Variants in CYB5R4 observed in about 807,000 individuals in gnomAD.
CYB5R4 encodes the protein cytochrome b5 reductase 4.
In CYB5R4, 55 loss-of-function variants were observed where a neutral mutation model predicts 70.2. The ratio of observed to expected loss-of-function variants is 0.78; its 90% confidence interval spans 0.63 to 0.98. CYB5R4 has a LOEUF of 0.98. CYB5R4 is among the 50% of genes least tolerant of loss of function. The pLI, the probability that CYB5R4 is intolerant of heterozygous loss-of-function variation, is 0.00. For synonymous variants in CYB5R4, 197 were observed against 199.5 expected, an observed-to-expected ratio of 0.99 and a Z score of 0.11; for missense variants, 562 against 612.6, an observed-to-expected ratio of 0.92 and a Z score of 0.87.
At chr6:83,867,008 T>C (rs1448338053) in intron 2 of CYB5R4, among the ~76,000 whole-genome samples, 1 of 152,194 alleles carries the variant, frequency 6.6e-6, no homozygotes, top group East Asian at 1.9e-4. Flanking sequence ...AAGATGTGTC[T>C]TTTTTTAAAT....
Position 83,918,712 on chromosome 6 carries a change from A to T in CYB5R4, c.506+647A>T, listed in dbSNP as rs577934814. On this transcript the variant is annotated intron_variant, in intron 6 of 15. Transcript: ENST00000369681. ...TTAAGCAATACATATATATTTCGTT[A>T]ATGACACTTAAAATGCCTTCAGGTG... Among the ~76,000 whole-genome samples the T allele has an allele frequency of 2.0e-5, 3 of 152,158 alleles. No homozygotes were observed. In the South Asian group the frequency reaches 6.2e-4, roughly 32 times the overall value.
intron 2 of CYB5R4, among the ~76,000 whole-genome samples, chr6:83,878,574 C>G (rs1349481988): frequency 6.6e-6 from 1 of 152,132 alleles, no homozygotes; most frequent in East Asian, 1.9e-4. Context: ...TCTCGATCTC[C>G]TGACCTTGTG....
rs761034622 is a variant in CYB5R4, at chr6:83,914,438, A to T, written c.435A>T (p.Lys145Asn). 1.3e-6 allele frequency: 2 copies of T among 1,528,010 alleles called. No homozygotes were observed. The highest frequency in any genetic ancestry group is 1.8e-6 in the Non-Finnish European group (2 of 1,121,840). 94.7% of individuals were successfully genotyped at this position (1,528,010 alleles called of 1,614,324 possible). A position where few individuals can be genotyped will look rare whatever the true frequency, so the allele number is the denominator to read the frequency against. Residue 145 changes from lysine (K) to asparagine (N), a missense_variant, in exon 5 of 16, where the codon AAA becomes AAT. Lys to Asn is a moderately conservative substitution (Grantham distance 94, BLOSUM62 0). Coordinates refer to ENST00000369681, the MANE Select transcript of CYB5R4 (RefSeq NM_016230.4). ...VLKDYREEEKKVLNGMLPKSQ... is the reference protein window; with the variant it reads ...VLKDYREEEKNVLNGMLPKSQ... ...CAGACTATCGTGAGGAGGAAAAGAA[A>T]GTCTTAAATGGTAAGTCTATAAATT... is the stretch of plus-strand genomic sequence containing the variant.
chr6:83,940,024 T>G, intron 12 of CYB5R4, 32 bp from the exon 13 acceptor site: 1 of 1,475,238 alleles, frequency 6.8e-7, no homozygotes, highest in South Asian at 1.3e-5. Flanking sequence ...TGTTTTTTTT[T>G]TTTCTGATTT....
chr6:83,925,635 T>G (rs943305803), intron 10 of CYB5R4, among the ~76,000 whole-genome samples: 3 of 152,230 alleles, frequency 2.0e-5, no homozygotes, highest in African/African-American at 7.2e-5. Context: ...CACAATGATG[T>G]GCCAGAACAT....
chr6:83,916,441 T>G (rs2099465524), intron 5 of CYB5R4, among the ~76,000 whole-genome samples: 2 of 152,204 alleles, frequency 1.3e-5, no homozygotes, highest in Admixed American at 1.3e-4. Context: ...TCTGAAATCT[T>G]TCAGTGCTTC....
intron 3 of CYB5R4, among the ~76,000 whole-genome samples, chr6:83,906,149 G>A (rs984950587): frequency 2.0e-5 from 3 of 152,182 alleles, no homozygotes; most frequent in African/African-American, 7.2e-5. Context: ...TGGGCAGAGT[G>A]GTGCTGCCTT....
intron 7 of CYB5R4, 66 bp downstream of exon 7, chr6:83,919,520 T>C: frequency 1.3e-6 from 1 of 798,402 alleles, no homozygotes. Flanking sequence ...CCAGGTCTTT[T>C]TCTAAACACT....
At chr6:83,944,963 C>T (rs2099470339) in intron 14 of CYB5R4, among the ~76,000 whole-genome samples, 1 of 152,130 alleles carries the variant, frequency 6.6e-6, no homozygotes. Context: ...GACACTTTCA[C>T]ACAATAATAG....
chr6:83,916,131 G>T (rs540966718), intron 5 of CYB5R4, among the ~76,000 whole-genome samples: 2 of 151,972 alleles, frequency 1.3e-5, no homozygotes, highest in East Asian at 3.9e-4. Flanking sequence ...ATACTAAATA[G>T]TTTTTTAGAA....
At chr6:83,950,311 A>G (rs563069331) in intron 14 of CYB5R4, among the ~76,000 whole-genome samples, 10 of 152,156 alleles carry the variant, frequency 6.6e-5, no homozygotes, top group Non-Finnish European at 1.5e-4. Flanking sequence ...TTTTCTTACG[A>G]AAAATGAGAC....
At chr6:83,910,918 G>A (rs914089718) in intron 4 of CYB5R4, among the ~76,000 whole-genome samples, 1 of 152,126 alleles carries the variant, frequency 6.6e-6, no homozygotes, top group Non-Finnish European at 1.5e-5. Flanking sequence ...CAGAATATGT[G>A]GATTTGAACT....
intron 10 of CYB5R4, chr6:83,926,438 G>C (rs1261606936): frequency 6.6e-6 from 1 of 152,000 alleles, no homozygotes; most frequent in Non-Finnish European, 1.5e-5. Context: ...GTCTTTGGCA[G>C]AGTCGGTCTC....
chr6:83,947,697 A>G (rs1207349778), intron 14 of CYB5R4, among the ~76,000 whole-genome samples: 1 of 152,240 alleles, frequency 6.6e-6, no homozygotes, highest in Non-Finnish European at 1.5e-5. Context: ...ACAAATTTAC[A>G]AGGAAAAAAA....
chr6:83,879,064 T>G (rs531721057), intron 2 of CYB5R4, among the ~76,000 whole-genome samples: 5 of 152,252 alleles, frequency 3.3e-5, no homozygotes, highest in African/African-American at 9.6e-5. Flanking sequence ...TTTGCAGTTT[T>G]CCTGTTTCAG....
At chr6:83,935,104 AT>A (rs1302851202) in intron 11 of CYB5R4, among the ~76,000 whole-genome samples, 1 of 152,220 alleles carries the variant, frequency 6.6e-6, no homozygotes. Flanking sequence ...GGGTTGTATC[AT>A]TTATGAAGTT....
chr6:83,880,135 T>C (rs925127250), intron 2 of CYB5R4, among the ~76,000 whole-genome samples: 1 of 152,252 alleles, frequency 6.6e-6, no homozygotes, highest in African/African-American at 2.4e-5. Flanking sequence ...TAATTGTACA[T>C]ATTTATGGGC....
intron 1 of CYB5R4, among the ~76,000 whole-genome samples, chr6:83,863,554 A>G (rs1304142075): frequency 2.0e-5 from 3 of 152,150 alleles, no homozygotes; most frequent in Non-Finnish European, 4.4e-5. Context: ...ATTTTGGTCC[A>G]AACTGGTTAA....
chr6:83,912,328 C>T (rs2099464829), intron 4 of CYB5R4, among the ~76,000 whole-genome samples: 1 of 152,094 alleles, frequency 6.6e-6, no homozygotes, highest in Non-Finnish European at 1.5e-5. Flanking sequence ...AATGGTATGT[C>T]AATGTCCGTA....
Sources: allele counts gnomAD v4.1 joint callset (sites outside exome capture counted in the v4.1 genomes callset), GRCh38; gene constraint gnomAD v4.1.1; transcripts MANE v1.5; gene names NCBI Gene and HGNC (gene_info 2026-07-23, HGNC 2026-07-21).